ARMH1: variants seen among roughly 807,000 people sequenced by gnomAD.
ARMH1 encodes armadillo like helical domain containing 1, also known as armadillo-like helical domain containing protein 1.
In ARMH1, 34 loss-of-function variants were observed where a neutral mutation model predicts 50.2. That is an observed-to-expected ratio of 0.68 (90% CI 0.51 to 0.90). The LOEUF is 0.90. Ranked by LOEUF, ARMH1 falls within the 40% of genes least tolerant of loss-of-function variation. ARMH1 has a pLI of 0.00. For missense variants in ARMH1, 538 were observed against 553.9 expected (o/e 0.97, Z 0.29); for synonymous variants, 221 against 224.2 (o/e 0.99, Z 0.13).
chr1:44,722,303 CT>C (rs1394237740), intron 6 of ARMH1, among the ~76,000 whole-genome samples: 4 of 152,126 alleles, frequency 2.6e-5, no homozygotes, highest in Admixed American at 2.0e-4. Flanking sequence ...CCTGTAATCC[CT>C]GCACTTAAGG....
In ARMH1 at chr1:44,681,004, T is replaced by C. The variant is rs1645292478; in HGVS notation, c.-23+6131T>C. 6.6e-6 allele frequency among the ~76,000 whole-genome samples: 1 copy of C among 151,110 alleles called. No homozygotes were observed. Among genetic ancestry groups the C allele is most frequent in the Admixed American group, 6.6e-5 (1 of 15,228 alleles). On this transcript the variant is annotated intron_variant, in intron 1 of 11. Transcript: ENST00000535358. This position sits in a 1 kb window ranked among gnomAD's most constrained non-coding sequence, Gnocchi z 4.3. ...TGCCCCCTTCCGATCCCCTTTTTTT[T>C]TTTTTTTTGAGACGGAGTCTCGCTC...
chr1:44,694,633 C>T (rs1266525270), intron 2 of ARMH1, among the ~76,000 whole-genome samples: 1 of 151,780 alleles, frequency 6.6e-6, no homozygotes, highest in East Asian at 1.9e-4. Flanking sequence ...CCTCAGCCTC[C>T]CGAGTAGCTG....
chr1:44,716,686 T>C (rs1302610414), intron 6 of ARMH1, among the ~76,000 whole-genome samples: 2 of 152,188 alleles, frequency 1.3e-5, no homozygotes, highest in Admixed American at 1.3e-4. Context: ...TCCACTGCTG[T>C]AATTCAGGTC....
intron 4 of ARMH1, among the ~76,000 whole-genome samples, chr1:44,700,445 G>A (rs780425689): frequency 4.0e-5 from 6 of 151,870 alleles, no homozygotes; most frequent in Admixed American, 1.3e-4. Flanking sequence ...GTGAAACCCT[G>A]TCTCTATTAA....
chr1:44,700,208 G>A (rs994552706), intron 4 of ARMH1, among the ~76,000 whole-genome samples: 9 of 152,144 alleles, frequency 5.9e-5, no homozygotes, highest in Non-Finnish European at 1.3e-4. Context: ...ATGGCCTCTC[G>A]AAGCCTCAGT....
intron 6 of ARMH1, chr1:44,723,906 G>A: frequency 3.6e-6 from 2 of 548,180 alleles, no homozygotes; most frequent in East Asian, 3.3e-5. Flanking sequence ...CGCCTCGACA[G>A]GTGGGCTCAC....
intron 6 of ARMH1, chr1:44,722,031 T>C (rs1647313628): frequency 1.3e-5 from 2 of 152,110 alleles, no homozygotes; most frequent in Admixed American, 6.6e-5. Context: ...TCTCACTGGG[T>C]AAAATCTCCT....
chr1:44,725,553 C>A lies in ARMH1; in HGVS notation c.*150C>A. 2 of 741,086 alleles carry A rather than the reference C, an allele frequency of 2.7e-6. No homozygotes were observed. Among genetic ancestry groups the A allele is most frequent in the Non-Finnish European group, 4.5e-6 (2 of 443,520 alleles). The allele number at this position is 741,086 out of a possible 1,614,324, so 45.9% of individuals were successfully genotyped here. On this transcript the variant is annotated 3_prime_UTR_variant, in exon 12 of 12. Coordinates refer to ENST00000535358, the MANE Select transcript of ARMH1 (RefSeq NM_001145636.2). Reference sequence around the variant, plus strand: ...TCCCAGAGGGGCAGAGGAAGAGCCGCTGGCTGCGAAGAGTCAATAAACAGC... The same window carrying A: ...TCCCAGAGGGGCAGAGGAAGAGCCGATGGCTGCGAAGAGTCAATAAACAGC...
chr1:44,725,165 A>T lies in ARMH1; in HGVS notation c.1158A>T (p.Ile386=), dbSNP rs374716973. The change falls in exon 11 of 12, where the codon ATA becomes ATT. Residue 386 remains isoleucine (I), a synonymous_variant. Transcript: ENST00000535358. Reference sequence around the variant, plus strand: ...ACGCTGAGGACTTGTACATGAAAATAGACAGCATTCAGGCGGACATCTTGG... The same window carrying T: ...ACGCTGAGGACTTGTACATGAAAATTGACAGCATTCAGGCGGACATCTTGG... ...LSNAEDLYMK[I]DSIQADILAA... 1,632 of 1,552,038 alleles carry T rather than the reference A, an allele frequency of 1.1e-3. 1 individual carries two copies. Among genetic ancestry groups the T allele is most frequent in the Admixed American group, 3.3e-3 (170 of 51,008 alleles).
chr1:44,722,411 T>TA (rs1245700733), intron 6 of ARMH1, among the ~76,000 whole-genome samples: 2 of 151,272 alleles, frequency 1.3e-5, no homozygotes, highest in Admixed American at 6.6e-5. Context: ...AATTTAAATT[T>TA]AAAAAAAAGT....
chr1:44,719,977 C>G (rs1292808716), intron 6 of ARMH1, among the ~76,000 whole-genome samples: 1 of 151,988 alleles, frequency 6.6e-6, no homozygotes, highest in Admixed American at 6.6e-5. Context: ...GGTGGATCAC[C>G]TGAGGACAGG....
At chr1:44,678,880 T>C (rs1645219030) in intron 1 of ARMH1, among the ~76,000 whole-genome samples, 1 of 152,224 alleles carries the variant, frequency 6.6e-6, no homozygotes, top group Non-Finnish European at 1.5e-5. Flanking sequence ...CCTTCGCTTG[T>C]TGCCAAGGAC....
At chr1:44,692,722 A>G (rs1200730514) in intron 2 of ARMH1, among the ~76,000 whole-genome samples, 2 of 151,986 alleles carry the variant, frequency 1.3e-5, no homozygotes, top group Non-Finnish European at 2.9e-5. Flanking sequence ...GTTTACCCAA[A>G]TGTTCTTTTT....
chr1:44,725,570 A>G lies in ARMH1; in HGVS notation c.*167A>G, dbSNP rs1258183751. ...AAGAGCCGCTGGCTGCGAAGAGTCA[A>G]TAAACAGCCTTGATACCTGTCTGTT... On this transcript the variant is annotated 3_prime_UTR_variant, in exon 12 of 12. Coordinates refer to ENST00000535358, the MANE Select transcript of ARMH1 (RefSeq NM_001145636.2). 2 of 671,128 alleles carry G rather than the reference A, an allele frequency of 3.0e-6. No homozygotes were observed. Among genetic ancestry groups the G allele is most frequent in the Non-Finnish European group, 5.2e-6 (2 of 384,908 alleles). The allele number at this position is 671,128 out of a possible 1,614,324, so 41.6% of individuals were successfully genotyped here.
At chr1:44,720,465 C>T (rs1195148824) in intron 6 of ARMH1, among the ~76,000 whole-genome samples, 2 of 152,152 alleles carry the variant, frequency 1.3e-5, no homozygotes, top group Non-Finnish European at 1.5e-5. Context: ...ATGTATGGAG[C>T]ATGCATTGTG....
chr1:44,701,092 G>A lies in ARMH1; in HGVS notation c.612G>A (p.Leu204=), dbSNP rs1445868849. The part of the protein sequence containing the change: ...LPCESPKAQQ[L]SLQTLRTAQP... ...GCGAGTCCCCAAAAGCCCAGCAGCT[G>A]TCCCTGCAGACTCTCAGGACTGCCC... The change falls in exon 5 of 12, where the codon CTG becomes CTA. Residue 204 remains leucine (L), a synonymous_variant. Transcript: ENST00000535358. The A allele has an allele frequency of 1.9e-6, 3 of 1,551,352 alleles. No homozygotes were observed. The highest frequency in any genetic ancestry group is 2.7e-5 in the African/African-American group (2 of 73,014).
intron 4 of ARMH1, among the ~76,000 whole-genome samples, chr1:44,700,207 C>T (rs1024452789): frequency 6.6e-5 from 10 of 152,204 alleles, no homozygotes; most frequent in South Asian, 4.1e-4. Context: ...CATGGCCTCT[C>T]GAAGCCTCAG....
At chr1:44,687,087 G>C (rs936915684) in intron 1 of ARMH1, among the ~76,000 whole-genome samples, 2 of 152,142 alleles carry the variant, frequency 1.3e-5, no homozygotes, top group African/African-American at 4.8e-5. Context: ...AAGTGTTATA[G>C]ACTAGATAAC....
intron 6 of ARMH1, 136 bp from the exon 7 acceptor site, chr1:44,723,986 T>A (rs1647814002): frequency 8.7e-7 from 1 of 1,143,058 alleles, no homozygotes; most frequent in African/African-American, 1.6e-5. Flanking sequence ...CCTTCCCAGC[T>A]CCCCCACGCC....
Sources: gnomAD v4.1 joint callset for allele counts (sites outside exome capture counted in the v4.1 genomes callset) on GRCh38, gnomAD v4.1.1 for gene constraint, Gnocchi (gnomAD v3.1) non-coding constraint, MANE v1.5 for transcripts, NCBI Gene and HGNC (gene_info 2026-07-23, HGNC 2026-07-21) for gene names.